The following TTLL11 variants were observed in gnomAD, a reference collection of about 807,000 sequenced individuals.
TTLL11 encodes the protein tubulin polyglutamylase TTLL11.
TTLL11 carries 42 observed loss-of-function variants against 51.7 expected under a neutral mutation model. That is an observed-to-expected ratio of 0.81 (90% confidence interval 0.64 to 1.05). The LOEUF is 1.05. TTLL11 is among the 50% of genes least tolerant of loss of function. The pLI is 0.00. For missense variants in TTLL11, 799 were observed against 940.4 expected (o/e 0.85, Z 1.97); for synonymous variants, 381 against 383.5 (o/e 0.99, Z 0.08).
intron 6 of TTLL11, among the ~76,000 whole-genome samples, chr9:121,892,846 G>A (rs1839303615): frequency 6.6e-6 from 1 of 152,162 alleles, no homozygotes; most frequent in South Asian, 2.1e-4. Flanking sequence ...AGTGGGGAAG[G>A]AGGCCGCTGT....
chr9:121,976,314 A>G (rs1842707818), intron 4 of TTLL11, among the ~76,000 whole-genome samples: 1 of 152,100 alleles, frequency 6.6e-6, no homozygotes, highest in South Asian at 2.1e-4. Flanking sequence ...GGGGCCAGCC[A>G]CTCATGAGCA....
intron 6 of TTLL11, among the ~76,000 whole-genome samples, chr9:121,918,324 A>G (rs1042458361): frequency 3.3e-5 from 5 of 152,198 alleles, no homozygotes; most frequent in African/African-American, 9.6e-5. Context: ...GAGTGATGGG[A>G]AATGTCAGAG....
At chr9:122,035,589 C>G (rs765119178) in intron 2 of TTLL11, among the ~76,000 whole-genome samples, 1 of 152,208 alleles carries the variant, frequency 6.6e-6, no homozygotes, top group Non-Finnish European at 1.5e-5. Context: ...AACAATAATT[C>G]TTGGCAAAAA....
Position 121,816,408 on chromosome 9 carries a change from A to G in TTLL11, c.*6179T>C, listed in dbSNP as rs954727943. ...CCGTGAGCCTCTTGGTGAGCACAAG[A>G]CACTACCGCAGGGCTGCAAAGAGCC... is the stretch of plus-strand genomic sequence containing the variant. On this transcript the variant is annotated 3_prime_UTR_variant, in exon 9 of 9. Transcript: ENST00000321582. 6.6e-6 allele frequency: 1 copy of G among 152,214 alleles called. No homozygotes were observed. The allele number at this position is 152,214 out of a possible 1,614,324, so 9.4% of individuals were successfully genotyped here.
intron 6 of TTLL11, among the ~76,000 whole-genome samples, chr9:121,892,094 T>G (rs1395820539): frequency 6.8e-6 from 1 of 147,204 alleles, no homozygotes; most frequent in Non-Finnish European, 1.5e-5. Flanking sequence ...GATGATAATA[T>G]CTATCAATTA....
chr9:121,974,587 TTCATCTCCTGA>T (rs1289029172), intron 5 of TTLL11, among the ~76,000 whole-genome samples: 1 of 152,192 alleles, frequency 6.6e-6, no homozygotes, highest in Non-Finnish European at 1.5e-5. Context: ...TTTCAATTAG[TTCATCTCCTGA>T]GGCTAATTAG....
At chr9:121,874,426 C>T (rs1838487927) in intron 6 of TTLL11, among the ~76,000 whole-genome samples, 1 of 152,174 alleles carries the variant, frequency 6.6e-6, no homozygotes, top group African/African-American at 2.4e-5. Context: ...TCTTTGTAGA[C>T]ATTCTGAGAA....
chr9:121,989,326 C>A lies in TTLL11; in HGVS notation c.1138G>T (p.Val380Phe). 6.2e-7 allele frequency: 1 copy of A among 1,614,178 alleles called. No homozygotes were observed. The highest frequency in any genetic ancestry group is 1.3e-5 in the African/African-American group (1 of 75,036). The change falls in exon 4 of 9, where the codon GTT (valine) becomes TTT (phenylalanine). Residue 380 changes from valine to phenylalanine, a missense_variant. By Grantham distance (50) the Val-to-Phe change is conservative. Coordinates refer to ENST00000321582, the MANE Select transcript of TTLL11 (RefSeq NM_001139442.2). The surrounding 1 kb of genome is among the most constrained non-coding windows in gnomAD (Gnocchi z 4.2). ...SILCRLSSKG[V>F]DIKKVWSDII... ...TCAGACCAGACCTTCTTGATGTCAA[C>A]GCCTTTGGAAGACAGTCTACAAAGG...
At chr9:121,944,506 C>A (rs1461691682) in intron 6 of TTLL11, among the ~76,000 whole-genome samples, 3 of 149,358 alleles carry the variant, frequency 2.0e-5, no homozygotes, top group Non-Finnish European at 3.0e-5. Context: ...GACTCCATCT[C>A]AAAAAAAAAG....
intron 6 of TTLL11, among the ~76,000 whole-genome samples, chr9:121,973,197 C>T (rs1046511005): frequency 7.2e-5 from 11 of 152,148 alleles, no homozygotes; most frequent in Non-Finnish European, 1.6e-4. Flanking sequence ...CCACCAACAG[C>T]GCAATGTAAT....
At chr9:121,941,398 G>A (rs1841462593) in intron 6 of TTLL11, among the ~76,000 whole-genome samples, 1 of 152,172 alleles carries the variant, frequency 6.6e-6, no homozygotes, top group Non-Finnish European at 1.5e-5. Context: ...AATCAGTGGT[G>A]ATGGTGACAA....
chr9:121,897,640 A>ACACACACACACG (rs111331446), intron 6 of TTLL11, among the ~76,000 whole-genome samples: 38 of 139,286 alleles, frequency 2.7e-4, no homozygotes, highest in African/African-American at 7.5e-4. Context: ...ACACACACAC[A>ACACACACACACG]CGCGCGCGCG....
intron 8 of TTLL11, among the ~76,000 whole-genome samples, chr9:121,854,403 G>C (rs1272924495): frequency 6.6e-6 from 1 of 152,174 alleles, no homozygotes; most frequent in Non-Finnish European, 1.5e-5. Context: ...AAGGGGACGT[G>C]GGGAAGACTC....
chr9:121,983,598 C>T (rs1842871605), intron 4 of TTLL11, among the ~76,000 whole-genome samples: 1 of 152,106 alleles, frequency 6.6e-6, no homozygotes, highest in Admixed American at 6.5e-5. Flanking sequence ...GGAGTGTATC[C>T]TTCTATCATA....
intron 1 of TTLL11, among the ~76,000 whole-genome samples, chr9:122,081,738 T>G (rs1415003990): frequency 2.0e-5 from 3 of 152,218 alleles, no homozygotes; most frequent in Admixed American, 1.3e-4. Context: ...AGAAGAAATT[T>G]TTTAATTGTA....
At chr9:122,058,459 G>A (rs1168298631) in intron 1 of TTLL11, among the ~76,000 whole-genome samples, 1 of 152,150 alleles carries the variant, frequency 6.6e-6, no homozygotes, top group Non-Finnish European at 1.5e-5. Context: ...TAACAATAAC[G>A]TTCATGTCCA....
At chr9:121,904,330 C>T (rs945557864) in intron 6 of TTLL11, among the ~76,000 whole-genome samples, 1 of 152,204 alleles carries the variant, frequency 6.6e-6, no homozygotes, top group African/African-American at 2.4e-5. Flanking sequence ...GCACGCACCA[C>T]CACGCCCAGC....
chr9:121,870,456 C>T (rs4384052), intron 7 of TTLL11, 41 bp downstream of exon 7: 1,064,548 of 1,530,682 alleles, frequency 0.7, 372,694 homozygotes, highest in East Asian at 0.9. Flanking sequence ...TGGACTCCAC[C>T]CAGCCCAAAG....
Position 121,821,644 on chromosome 9 carries a change from C to G in TTLL11, c.*943G>C, listed in dbSNP as rs1430045717. ...ATACAGATGGAGACAAGGAAAGGGT[C>G]TCATGGAAGACAGTGTGAGCTCCCC... On this transcript the variant is annotated 3_prime_UTR_variant, in exon 9 of 9. Coordinates refer to ENST00000321582, the MANE Select transcript of TTLL11 (RefSeq NM_001139442.2). This position sits in a 1 kb window ranked among gnomAD's most constrained non-coding sequence, Gnocchi z 5.0. Among the ~76,000 whole-genome samples the G allele has an allele frequency of 6.6e-6, 1 of 152,096 alleles. No homozygotes were observed. Among genetic ancestry groups the G allele is most frequent in the East Asian group, 1.9e-4 (1 of 5,184 alleles).
Sources: allele counts gnomAD v4.1 joint callset (sites outside exome capture counted in the v4.1 genomes callset), GRCh38; gene constraint gnomAD v4.1.1; non-coding constraint Gnocchi (gnomAD v3.1); transcripts MANE v1.5; gene names NCBI Gene and HGNC (gene_info 2026-07-23, HGNC 2026-07-21).